Variants in FBXL18 observed in about 807,000 individuals in gnomAD.
FBXL18 encodes F-box and leucine rich repeat protein 18.
Under a neutral mutation model 46.0 loss-of-function variants are expected in FBXL18, and 36 were observed. The observed-to-expected ratio is 0.78, with a 90% CI of 0.60 to 1.03. The LOEUF (loss-of-function observed/expected upper bound fraction) is 1.03. Ranked by LOEUF, FBXL18 falls within the 50% of genes least tolerant of loss-of-function variation. FBXL18 has a pLI of 0.00. For missense variants in FBXL18, 977 were observed against 1,004.1 expected (o/e 0.97, Z 0.36); for synonymous variants, 557 against 465.3 (o/e 1.20, Z -2.54).
At chr7:5,472,685 C>G (rs1039395526), downstream of FBXL18, among the ~76,000 whole-genome samples, 2 of 152,192 alleles carry the variant, frequency 1.3e-5, no homozygotes, top group Admixed American at 6.5e-5. Flanking sequence ...ACCACCAGAC[C>G]TGCGAGTGAA....
At chr7:5,461,307 C>T (rs930068448) in intron 4 of FBXL18, among the ~76,000 whole-genome samples, 21 of 152,226 alleles carry the variant, frequency 1.4e-4, no homozygotes, top group African/African-American at 4.6e-4. Context: ...TGGCTTCTAC[C>T]TGTAATCCCA....
downstream of FBXL18, among the ~76,000 whole-genome samples, chr7:5,474,147 G>A (rs1783471100): frequency 6.6e-6 from 1 of 152,104 alleles, no homozygotes. Context: ...ATAGGGACAG[G>A]AAGTAGAATG....
chr7:5,454,799 G>A (rs1468362553), intron 4 of FBXL18, among the ~76,000 whole-genome samples: 3 of 152,174 alleles, frequency 2.0e-5, no homozygotes, highest in East Asian at 3.9e-4. Context: ...GGGGACTCAC[G>A]GAGGAGAAGG....
Position 5,496,014 on chromosome 7 carries a change from T to G in FBXL18, c.1781+4474A>C. ...CAGAACCCGCAGGCCTCTCCGCGCC[T>G]TCTCCATGGCCCTGCTCCTGAGGAA... On this transcript the variant is annotated intron_variant, in intron 3 of 4. Coordinates refer to ENST00000382368, the MANE Select transcript of FBXL18 (RefSeq NM_024963.6). The surrounding 1 kb of genome is among the most constrained non-coding windows in gnomAD (Gnocchi z 4.8). 1 of 408,528 alleles carries G rather than the reference T, an allele frequency of 2.4e-6. No homozygotes were observed. Among genetic ancestry groups the G allele is most frequent in the South Asian group, 1.8e-5 (1 of 55,552 alleles). The allele number at this position is 408,528 out of a possible 1,614,324, so 25.3% of individuals were successfully genotyped here. A position where few individuals can be genotyped will look rare whatever the true frequency, so the allele number is the denominator to read the frequency against.
chr7:5,469,961 A>T (rs915031156), intron 4 of FBXL18, among the ~76,000 whole-genome samples: 3 of 152,052 alleles, frequency 2.0e-5, no homozygotes, highest in Admixed American at 1.3e-4. Flanking sequence ...TGTGAATGTC[A>T]GAGTGTGGGA....
intron 4 of FBXL18, among the ~76,000 whole-genome samples, chr7:5,483,437 T>C (rs1584204039): frequency 9.3e-6 from 1 of 107,682 alleles, no homozygotes; most frequent in African/African-American, 3.4e-5. Flanking sequence ...CGAGACTCCA[T>C]CTCAAAAAAA....
chr7:5,464,832 G>C (rs1783319360), intron 4 of FBXL18, among the ~76,000 whole-genome samples: 1 of 151,364 alleles, frequency 6.6e-6, no homozygotes, highest in Non-Finnish European at 1.5e-5. Context: ...GGGAGGCCGA[G>C]GTGGGCAAAT....
intron 1 of FBXL18, among the ~76,000 whole-genome samples, chr7:5,512,025 G>C (rs1223137904): frequency 1.3e-5 from 2 of 151,038 alleles, no homozygotes; most frequent in African/African-American, 4.9e-5. Context: ...CACGAGGTCA[G>C]GAGATTGAGA....
At chr7:5,486,789 A>G (rs893341626) in intron 4 of FBXL18, among the ~76,000 whole-genome samples, 4 of 152,368 alleles carry the variant, frequency 2.6e-5, no homozygotes, top group African/African-American at 7.2e-5. Flanking sequence ...CACCGGCGAC[A>G]GGTCAGCAGC....
chr7:5,505,758 C>G (rs1784379777), intron 1 of FBXL18, 128 bp from the exon 2 acceptor site: 2 of 700,728 alleles, frequency 2.9e-6, no homozygotes, highest in Non-Finnish European at 4.7e-6. Context: ...CTAAAACTCT[C>G]AACTGAATGA....
At position 5,500,676 on chromosome 7, in the gene FBXL18, G is replaced by A; in HGVS notation, c.1593C>T (p.Ala531=). ...GTGCGAGCGTCAGGTGCCGCAGGAA[G>A]GCCAGCTGGCCGATGGCGGCCACCT... ...DSEVAAIGQL[A]FLRHLTLAQL... The change falls in exon 3 of 5, where the codon GCC becomes GCT. Residue 531 remains alanine (A), a synonymous_variant. Coordinates refer to ENST00000382368, the MANE Select transcript of FBXL18 (RefSeq NM_024963.6). 6.2e-7 allele frequency: 1 copy of A among 1,610,988 alleles called. No individual in the cohort carries two copies. Among genetic ancestry groups the A allele is most frequent in the Non-Finnish European group, 8.5e-7 (1 of 1,179,110 alleles).
chr7:5,461,036 T>C (rs1263019892), intron 4 of FBXL18, among the ~76,000 whole-genome samples: 1 of 152,202 alleles, frequency 6.6e-6, no homozygotes, highest in Non-Finnish European at 1.5e-5. Context: ...GCACCATAAA[T>C]TGCCTTCTGC....
At position 5,500,837 on chromosome 7, in the gene FBXL18, G is replaced by C; in HGVS notation, c.1432C>G (p.Leu478Val). ...TCCAGGAAGGGCAGGTTCTTCAGCA[G>C]AGACCAGAACACGGAGGAGGGCTGG... ...CPQPSSVFWS[L>V]LKNLPFLEHL... Residue 478 changes from leucine to valine, a missense_variant, in exon 3 of 5, where the codon CTG becomes GTG. Physicochemically the swap from Leu to Val is conservative, Grantham distance 32 (BLOSUM62 1). Transcript: ENST00000382368. The C allele has an allele frequency of 1.2e-6, 2 of 1,611,780 alleles. No individual in the cohort carries two copies. Among genetic ancestry groups the C allele is most frequent in the Non-Finnish European group, 8.5e-7 (1 of 1,179,208 alleles).
intron 4 of FBXL18, among the ~76,000 whole-genome samples, chr7:5,487,600 G>A (rs550563396): frequency 1.2e-4 from 18 of 152,312 alleles, no homozygotes; most frequent in African/African-American, 3.6e-4. Context: ...GGCAGCTCTC[G>A]AAGACTGTTT....
downstream of FBXL18, among the ~76,000 whole-genome samples, chr7:5,472,125 G>C (rs1053291218): frequency 2.6e-5 from 4 of 152,154 alleles, no homozygotes; most frequent in African/African-American, 9.7e-5. Flanking sequence ...CTCAGGAGGT[G>C]TGTGGGAAAA....
rs996336352 is a variant in FBXL18 at position 5,479,850 on chromosome 7, C to G, written c.*1925G>C. ...GGGCTGGGAGAGGACCCGTGGGCTT[C>G]AGAGAGGAGGCGATGACCCCATACA... On this transcript the variant is annotated 3_prime_UTR_variant, in exon 5 of 5. Transcript: ENST00000382368. 3 of 152,442 alleles carry G rather than the reference C, an allele frequency of 2.0e-5. No individual in the cohort carries two copies. The highest frequency in any genetic ancestry group is 2.9e-5 in the Non-Finnish European group (2 of 68,218). The allele number at this position is 152,442 out of a possible 1,614,324, so 9.4% of individuals were successfully genotyped here. A position where few individuals can be genotyped will look rare whatever the true frequency, so the allele number is the denominator to read the frequency against.
intron 1 of FBXL18, 30 bp downstream of exon 1, chr7:5,513,624 CAGA>C (rs745337797): frequency 1.6e-5 from 25 of 1,611,640 alleles, no homozygotes; most frequent in Non-Finnish European, 2.0e-5. Context: ...GCCGCCGAGG[CAGA>C]AGCAGAGCGG....
Position 5,501,810 on chromosome 7 carries a change from C to G in FBXL18, c.459G>C (p.Val153=). 1 of 1,578,564 alleles carries G rather than the reference C, an allele frequency of 6.3e-7. No homozygotes were observed. The highest frequency in any genetic ancestry group is 8.6e-7 in the Non-Finnish European group (1 of 1,163,088). The change falls in exon 3 of 5, where the codon GTG becomes GTC. Residue 153 remains valine (V), a synonymous_variant. Coordinates refer to ENST00000382368, the MANE Select transcript of FBXL18 (RefSeq NM_024963.6). ...LQHLRSLAID[V]SPGFDASQLS... ...GCTGGCTGGCGTCGAAGCCGGGGCT[C>G]ACGTCGATGGCCAGCGAGCGCAGGT...
chr7:5,462,991 T>A lies in FBXL18; in HGVS notation c.2001-15148A>T, dbSNP rs1562671845. ...AAAAATATATATATATATATATATA[T>A]ATATAATATATATACACACACACAT... is the stretch of plus-strand genomic sequence containing the variant. On this transcript the variant is annotated intron_variant and NMD_transcript_variant, in intron 4 of 6. Coordinates refer to the FBXL18 transcript ENST00000415009. Among the ~76,000 whole-genome samples the A allele has an allele frequency of 3.3e-4, 15 of 45,486 alleles. 1 individual carries two copies. The highest frequency in any genetic ancestry group is 7.1e-4 in the Non-Finnish European group (14 of 19,852). The allele number at this position is 45,486 out of a possible 152,430, so 29.8% of individuals were successfully genotyped here. A position where few individuals can be genotyped will look rare whatever the true frequency, so the allele number is the denominator to read the frequency against.
Sources: allele counts gnomAD v4.1 joint callset (sites outside exome capture counted in the v4.1 genomes callset), GRCh38; gene constraint gnomAD v4.1.1; non-coding constraint Gnocchi (gnomAD v3.1); transcripts MANE v1.5; gene names NCBI Gene and HGNC (gene_info 2026-07-23, HGNC 2026-07-21).